The following TMPRSS11F variants were observed in gnomAD, a reference collection of about 807,000 sequenced individuals.
The protein encoded by TMPRSS11F is transmembrane protease serine 11F.
In TMPRSS11F, 47 loss-of-function variants were observed where a neutral mutation model predicts 60.2. The ratio of observed to expected loss-of-function variants is 0.78; its 90% CI spans 0.62 to 1.00. TMPRSS11F has a LOEUF of 1.00. TMPRSS11F is among the 50% of genes least tolerant of loss of function. TMPRSS11F has a pLI of 0.00. For missense variants in TMPRSS11F, 519 were observed against 522.9 expected, an observed-to-expected ratio of 0.99 and a Z score of 0.07; for synonymous variants, 166 against 167.3, an observed-to-expected ratio of 0.99 and a Z score of 0.06.
chr4:68,072,186 C>T (rs1320312172), intron 5 of TMPRSS11F, 137 bp downstream of exon 5: 2 of 83,096 alleles, frequency 2.4e-5, no homozygotes, highest in African/African-American at 9.3e-5. Context: ...TAGTTTTATT[C>T]CATGCTGAGA....
chr4:68,064,918 G>A lies in TMPRSS11F; in HGVS notation c.782C>T (p.Ala261Val), dbSNP rs1053653951. 42 of 1,613,732 alleles carry A rather than the reference G, an allele frequency of 2.6e-5. No individual in the cohort carries two copies. The highest frequency in any genetic ancestry group is 3.6e-5 in the Non-Finnish European group (42 of 1,179,932). ...WKNKDPTQWIATFGATITPPA... is the reference protein window; with the variant it reads ...WKNKDPTQWIVTFGATITPPA... The stretch of plus-strand genomic sequence containing the variant: ...TGGTGTTATAGTTGCACCAAAAGTA[G>A]CAATCCATTGAGTTGGGTCTTTATT... The change falls in exon 8 of 10, where the codon GCT (alanine) becomes GTT (valine). Residue 261 changes from alanine (A) to valine (V), a missense_variant. Coordinates refer to ENST00000356291, the MANE Select transcript of TMPRSS11F (RefSeq NM_207407.2).
In TMPRSS11F at chr4:68,053,936, A is replaced by G. The variant is rs779572801; in HGVS notation, c.1290T>C (p.Asp430=). 8.1e-6 allele frequency: 13 copies of G among 1,613,528 alleles called. No individual in the cohort carries two copies. The highest frequency in any genetic ancestry group is 3.3e-4 in the Middle Eastern group (2 of 6,058). The change falls in exon 10 of 10, where the codon GAT becomes GAC. Residue 430 remains aspartate (D), a synonymous_variant. Coordinates refer to ENST00000356291, the MANE Select transcript of TMPRSS11F (RefSeq NM_207407.2). ...ACATACCAGTCTTTGAGGCAATCCAATCTCGATACTTAGTTACTCTGGTGT... is the reference window on the plus strand; with the variant it reads ...ACATACCAGTCTTTGAGGCAATCCAGTCTCGATACTTAGTTACTCTGGTGT... ...GVYTRVTKYR[D]WIASKTGM is the part of the protein sequence containing the mutation.
chr4:68,061,629 C>T (rs1345309864), intron 8 of TMPRSS11F, among the ~76,000 whole-genome samples: 1 of 152,130 alleles, frequency 6.6e-6, no homozygotes, highest in Non-Finnish European at 1.5e-5. Flanking sequence ...TCATTTTCTA[C>T]AGCTTATCTG....
chr4:68,064,669 G>T lies in TMPRSS11F; in HGVS notation c.1015+16C>A. ...AGACATTCTTGTGCTAAGAAAATTA[G>T]GTTGAAACTGCTCACCATCATCTAC... On this transcript the variant is annotated intron_variant, in intron 8 of 9. Transcript: ENST00000356291. The T allele has an allele frequency of 6.2e-7, 1 of 1,610,352 alleles. No individual in the cohort carries two copies. Among genetic ancestry groups the T allele is most frequent in the African/African-American group, 1.3e-5 (1 of 74,912 alleles).
At chr4:68,076,318 T>G (rs1723583492) in intron 3 of TMPRSS11F, among the ~76,000 whole-genome samples, 1 of 152,262 alleles carries the variant, frequency 6.6e-6, no homozygotes, top group African/African-American at 2.4e-5. Context: ...TTAAAATTCC[T>G]GCTAAAAGGA....
At chr4:68,090,125 C>A (rs535717761) in intron 3 of TMPRSS11F, among the ~76,000 whole-genome samples, 2 of 151,972 alleles carry the variant, frequency 1.3e-5, no homozygotes, top group African/African-American at 4.8e-5. Context: ...TATAGCTATA[C>A]CACGTCCTTT....
intron 3 of TMPRSS11F, among the ~76,000 whole-genome samples, chr4:68,074,945 A>T (rs2109848766): frequency 6.6e-6 from 1 of 152,312 alleles, no homozygotes; most frequent in Middle Eastern, 3.4e-3. Context: ...AAAATACAAA[A>T]ATCAGCCAGA....
chr4:68,073,446 G>A (rs906471573), intron 4 of TMPRSS11F, among the ~76,000 whole-genome samples: 12 of 151,794 alleles, frequency 7.9e-5, no homozygotes, highest in Non-Finnish European at 1.2e-4. Flanking sequence ...AGAGAGGGAG[G>A]AGAGAAAAGT....
chr4:68,099,623 C>T (rs979608837), intron 1 of TMPRSS11F, among the ~76,000 whole-genome samples: 1 of 152,248 alleles, frequency 6.6e-6, no homozygotes, highest in African/African-American at 2.4e-5. Context: ...TATTTATTTA[C>T]TTTATTGTCT....
rs749312472 is a variant in TMPRSS11F, at chr4:68,072,308, AAAT to A, written c.514+12_514+14del. ...AGGGAATGACAAAAGTGGCAAATAA[AAAT>A]AAAAGACTTACGTGTGAGTCTAAAT... On this transcript the variant is annotated intron_variant, in intron 5 of 9. Transcript: ENST00000356291. The A allele has an allele frequency of 5.5e-5, 80 of 1,466,694 alleles. No individual in the cohort carries two copies. Among genetic ancestry groups the A allele is most frequent in the Non-Finnish European group, 7.0e-5 (77 of 1,101,836 alleles). 90.9% of individuals were successfully genotyped at this position (1,466,694 alleles called of 1,614,324 possible). A position where few individuals can be genotyped will look rare whatever the true frequency, so the allele number is the denominator to read the frequency against.
chr4:68,059,757 A>G (rs1246632609), intron 8 of TMPRSS11F, among the ~76,000 whole-genome samples: 1 of 152,146 alleles, frequency 6.6e-6, no homozygotes, highest in East Asian at 1.9e-4. Flanking sequence ...CATAGTCCTC[A>G]TTAGATTCTC....
At chr4:68,086,175 C>T (rs929005906) in intron 3 of TMPRSS11F, among the ~76,000 whole-genome samples, 3 of 152,088 alleles carry the variant, frequency 2.0e-5, no homozygotes, top group African/African-American at 7.2e-5. Context: ...AGCAAGCACA[C>T]TCTCATACCA....
intron 2 of TMPRSS11F, among the ~76,000 whole-genome samples, chr4:68,096,966 A>AT (rs1278887305): frequency 1.3e-5 from 2 of 152,210 alleles, no homozygotes; most frequent in African/African-American, 2.4e-5. Context: ...TCTTTCTGCT[A>AT]TAAAAATAGG....
intron 8 of TMPRSS11F, chr4:68,062,365 C>T (rs1404814529): frequency 2.0e-6 from 1 of 495,970 alleles, no homozygotes; most frequent in Non-Finnish European, 3.9e-6. Context: ...ATCAGATACA[C>T]ATATTTTCTT....
intron 8 of TMPRSS11F, chr4:68,063,089 A>G (rs1723234645): frequency 1.6e-6 from 1 of 645,112 alleles, no homozygotes; most frequent in Non-Finnish European, 3.0e-6. Context: ...CTGAACCAAG[A>G]TCTGGAAGCC....
Position 68,064,853 on chromosome 4 carries a change from CATGAAGA to C in TMPRSS11F, c.840_846del (p.Ile280MetfsTer27). ...TCATTTGTTTCTCTATGGTAATTCT[CATGAAGA>C]ATAATTTTCCTCACATTTCGTTTCA... is the stretch of plus-strand genomic sequence containing the variant. On this transcript the variant is annotated frameshift_variant, in exon 8 of 10. Coordinates refer to ENST00000356291, the MANE Select transcript of TMPRSS11F (RefSeq NM_207407.2). LOFTEE classifies it high-confidence loss of function. 1 of 1,614,082 alleles carries C rather than the reference CATGAAGA, an allele frequency of 6.2e-7. No individual in the cohort carries two copies. Among genetic ancestry groups the C allele is most frequent in the Non-Finnish European group, 8.5e-7 (1 of 1,179,986 alleles).
chr4:68,087,720 TA>T (rs1560401838), intron 3 of TMPRSS11F, among the ~76,000 whole-genome samples: 1 of 151,580 alleles, frequency 6.6e-6, no homozygotes, highest in Non-Finnish European at 1.5e-5. Flanking sequence ...TTTATTTATT[TA>T]TTTATTTATT....
chr4:68,124,151 G>A (rs1724671882), intron 1 of TMPRSS11F, among the ~76,000 whole-genome samples: 1 of 151,836 alleles, frequency 6.6e-6, no homozygotes, highest in African/African-American at 2.4e-5. Flanking sequence ...AACCCGAGTG[G>A]CGGAGGTTGC....
intron 3 of TMPRSS11F, among the ~76,000 whole-genome samples, chr4:68,088,706 G>C (rs141360364): frequency 0.012 from 1,876 of 152,208 alleles, 14 homozygotes; most frequent in Non-Finnish European, 0.021. Flanking sequence ...TCAGCCCACA[G>C]TGCAATCAAA....
Sources: allele counts gnomAD v4.1 joint callset (sites outside exome capture counted in the v4.1 genomes callset), GRCh38; gene constraint gnomAD v4.1.1; transcripts MANE v1.5; gene names NCBI Gene and HGNC (gene_info 2026-07-23, HGNC 2026-07-21).